The following CEACAM19 variants were observed in gnomAD, a reference collection of about 807,000 sequenced individuals.
The protein encoded by CEACAM19 is CEA cell adhesion molecule 19, also known as cell adhesion molecule CEACAM19.
CEACAM19 carries 37 observed loss-of-function variants against 37.6 expected under a neutral mutation model. That is an observed-to-expected ratio of 0.98 (90% CI 0.76 to 1.29). CEACAM19 has a LOEUF of 1.29. Ranked by LOEUF, CEACAM19 falls within the 50% of genes most tolerant of loss-of-function variation. The pLI is 0.00. For missense variants in CEACAM19, 340 were observed against 375.6 expected (o/e 0.91, Z 0.78); for synonymous variants, 140 against 149.8 (o/e 0.93, Z 0.48).
chr19:44,668,135 T>C (rs1179780802), upstream of CEACAM19, among the ~76,000 whole-genome samples: 1 of 85,950 alleles, frequency 1.2e-5, no homozygotes, highest in African/African-American at 4.7e-5. Flanking sequence ...TATTTTTATA[T>C]AATATATTAT....
upstream of CEACAM19, among the ~76,000 whole-genome samples, chr19:44,670,749 G>T (rs1973839730): frequency 8.2e-6 from 1 of 121,562 alleles, no homozygotes; most frequent in Non-Finnish European, 1.6e-5. Context: ...CAATGTTCAT[G>T]AATGGAAAGA....
intron 5 of CEACAM19, among the ~76,000 whole-genome samples, chr19:44,680,596 T>A (rs1475043646): frequency 6.6e-6 from 1 of 151,920 alleles, no homozygotes; most frequent in Non-Finnish European, 1.5e-5. Flanking sequence ...CACAGGCCAC[T>A]ACCAGCCTCC....
At chr19:44,669,760 G>T (rs1222543079), upstream of CEACAM19, among the ~76,000 whole-genome samples, 2 of 152,024 alleles carry the variant, frequency 1.3e-5, no homozygotes, top group African/African-American at 4.8e-5. Context: ...CCCTCCCCCA[G>T]GAAGCCCTCC....
chr19:44,672,440 C>A, intron 1 of CEACAM19, 156 bp from the exon 2 acceptor site: 1 of 807,924 alleles, frequency 1.2e-6, no homozygotes, highest in Non-Finnish European at 1.8e-6. Flanking sequence ...CCCACTCCTG[C>A]ACCCAGGGCA....
chr19:44,669,425 A>C (rs1973820572), upstream of CEACAM19, among the ~76,000 whole-genome samples: 1 of 151,988 alleles, frequency 6.6e-6, no homozygotes, highest in African/African-American at 2.4e-5. Flanking sequence ...GTGCCTCCCT[A>C]AATTTATATT....
upstream of CEACAM19, among the ~76,000 whole-genome samples, chr19:44,668,635 CATATT>C (rs1414827316): frequency 2.6e-4 from 7 of 26,706 alleles, no homozygotes; most frequent in Non-Finnish European, 3.8e-4. Flanking sequence ...ATTATATACA[CATATT>C]ATATATGTAT....
chr19:44,681,650 C>T (rs1196035868), intron 6 of CEACAM19, among the ~76,000 whole-genome samples: 1 of 152,140 alleles, frequency 6.6e-6, no homozygotes, highest in Non-Finnish European at 1.5e-5. Context: ...GTCATTTAGG[C>T]TGGGCGTGGT....
At chr19:44,669,879 C>T (rs1021006475), upstream of CEACAM19, among the ~76,000 whole-genome samples, 1 of 152,140 alleles carries the variant, frequency 6.6e-6, no homozygotes, top group East Asian at 1.9e-4. Context: ...GAGGGGTCTG[C>T]CCCCCCAAAC....
At chr19:44,668,401 ATGTT>A (rs1568512772), upstream of CEACAM19, among the ~76,000 whole-genome samples, 7 of 44,976 alleles carry the variant, frequency 1.6e-4, no homozygotes, top group African/African-American at 7.1e-4. Flanking sequence ...TTTATATAAT[ATGTT>A]TATATATTAT....
At chr19:44,668,472 TATA>T (rs1195859814), upstream of CEACAM19, among the ~76,000 whole-genome samples, 6 of 60,172 alleles carry the variant, frequency 1.0e-4, no homozygotes, top group Non-Finnish European at 1.4e-4. Flanking sequence ...ATATATATAA[TATA>T]ATATATATAT....
Position 44,672,745 on chromosome 19 carries a change from G to A in CEACAM19, c.205G>A (p.Glu69Lys), listed in dbSNP as rs186700168. Residue 69 changes from glutamate to lysine, a missense_variant, in exon 2 of 8, where the codon GAG (glutamate) becomes AAG (lysine). Coordinates refer to ENST00000358777, the MANE Select transcript of CEACAM19 (RefSeq NM_001127893.3). ...CCAGGACTTCAACTGGTACCTGGGGGAGGAGACGTACGGAGGCACGAGGCT... is the reference window on the plus strand; with the variant it reads ...CCAGGACTTCAACTGGTACCTGGGGAAGGAGACGTACGGAGGCACGAGGCT... ...TFQDFNWYLGEETYGGTRLFT... is the reference protein window; with the variant it reads ...TFQDFNWYLGKETYGGTRLFT... 6.3e-6 allele frequency: 10 copies of A among 1,584,468 alleles called. No homozygotes were observed. The East Asian group carries it at 2.1e-4, about 33-fold the overall frequency.
chr19:44,666,868 G>A (rs1442306504), upstream of CEACAM19: 1 of 151,944 alleles, frequency 6.6e-6, no homozygotes, highest in Non-Finnish European at 1.5e-5. Flanking sequence ...TAATAACAAT[G>A]ACAGGCATTT....
At chr19:44,673,715 G>A (rs1212469457) in intron 2 of CEACAM19, 1 of 152,170 alleles carries the variant, frequency 6.6e-6, no homozygotes, top group African/African-American at 2.4e-5. Context: ...TTTACAGATT[G>A]AAAAATGGAG....
At chr19:44,680,359 C>T (rs1974034213) in intron 5 of CEACAM19, 25 bp downstream of exon 5, 1 of 1,600,962 alleles carries the variant, frequency 6.2e-7, no homozygotes, top group Non-Finnish European at 8.5e-7. Flanking sequence ...CCAGATCTCA[C>T]TACCTAGCCC....
At chr19:44,670,796 A>C (rs56313026), upstream of CEACAM19, among the ~76,000 whole-genome samples, 114 of 122,972 alleles carry the variant, frequency 9.3e-4, no homozygotes, top group Non-Finnish European at 1.3e-3. Context: ...AAAAAAAAAA[A>C]AAAAAAAAAA....
intron 2 of CEACAM19, among the ~76,000 whole-genome samples, chr19:44,675,342 A>G (rs1345255311): frequency 6.6e-6 from 1 of 152,134 alleles, no homozygotes; most frequent in East Asian, 1.9e-4. Flanking sequence ...CTGGGAGGTC[A>G]GAGGGTAAGA....
chr19:44,669,780 A>T (rs1336033721), upstream of CEACAM19, among the ~76,000 whole-genome samples: 1 of 152,094 alleles, frequency 6.6e-6, no homozygotes, highest in Non-Finnish European at 1.5e-5. Context: ...CCTAGCCGTC[A>T]GGTTGAATGA....
upstream of CEACAM19, chr19:44,667,084 A>G (rs1973726675): frequency 6.6e-6 from 1 of 151,854 alleles, no homozygotes; most frequent in Non-Finnish European, 1.5e-5. Context: ...CTCTACAGCC[A>G]TTCAGTGTAT....
chr19:44,673,197 A>G (rs1471873835), intron 2 of CEACAM19, among the ~76,000 whole-genome samples: 3 of 152,236 alleles, frequency 2.0e-5, no homozygotes, highest in Admixed American at 6.5e-5. Context: ...AGAATGCACC[A>G]TCTCATTTAC....
Sources: allele counts gnomAD v4.1 joint callset (sites outside exome capture counted in the v4.1 genomes callset), GRCh38; gene constraint gnomAD v4.1.1; transcripts MANE v1.5; gene names NCBI Gene and HGNC (gene_info 2026-07-23, HGNC 2026-07-21).